The following GRM7 variants were observed in gnomAD, a reference collection of about 807,000 sequenced individuals.
The protein encoded by GRM7 is glutamate metabotropic receptor 7, also known as metabotropic glutamate receptor 7.
A neutral mutation model predicts 84.5 loss-of-function variants in GRM7; 35 were observed. The ratio of observed to expected loss-of-function variants is 0.41; its 90% CI spans 0.32 to 0.55. GRM7 has a LOEUF of 0.55. GRM7 is among the 20% of genes least tolerant of loss of function. GRM7 has a pLI of 0.19. For synonymous variants in GRM7, 487 were observed against 455.1 expected (o/e 1.07, Z -0.89); for missense variants, 1,003 against 1,194.6 (o/e 0.84, Z 2.36).
Position 6,861,622 on chromosome 3 carries a change from G to T in GRM7, c.234G>T (p.Arg78Ser), listed in dbSNP as rs758534483. 1.2e-6 allele frequency: 2 copies of T among 1,613,292 alleles called. No individual in the cohort carries two copies. The highest frequency in any genetic ancestry group is 1.7e-6 in the Non-Finnish European group (2 of 1,179,794). Residue 78 changes from arginine (R) to serine (S), a missense_variant, in exon 1 of 10, where the codon AGG becomes AGT. Coordinates refer to ENST00000357716, the MANE Select transcript of GRM7 (RefSeq NM_000844.4). This position sits in a 1 kb window ranked among gnomAD's most constrained non-coding sequence, Gnocchi z 6.4. Reference sequence around the variant, plus strand: ...TCAAGAGGGAAAACGGGATCCACAGGCTGGAAGCGATGCTCTACGCCCTGG... The same window carrying T: ...TCAAGAGGGAAAACGGGATCCACAGTCTGGAAGCGATGCTCTACGCCCTGG... ...GDIKRENGIH[R>S]LEAMLYALDQ...
At position 7,067,469 on chromosome 3, in the gene GRM7, G is replaced by A. The variant is rs547604628; in HGVS notation, c.520-78983G>A. Among the ~76,000 whole-genome samples, 3 of 152,124 alleles carry A rather than the reference G, an allele frequency of 2.0e-5. 1 individual carries two copies. Among genetic ancestry groups the A allele is most frequent in the Non-Finnish European group, 2.9e-5 (2 of 67,970 alleles). ...AATACTTAGGTGTATACCTAACAAA[G>A]GAGTTGAAAGACCTCTACAAGGAAA... On this transcript the variant is annotated intron_variant, in intron 1 of 9. Transcript: ENST00000357716.
intron 8 of GRM7, among the ~76,000 whole-genome samples, chr3:7,585,883 C>A (rs1410947390): frequency 2.6e-5 from 4 of 152,102 alleles, no homozygotes; most frequent in Non-Finnish European, 5.9e-5. Flanking sequence ...AGGGGACTGC[C>A]AAATTCTCGG....
intron 7 of GRM7, among the ~76,000 whole-genome samples, chr3:7,475,800 A>C (rs1431540535): frequency 2.6e-5 from 4 of 152,196 alleles, no homozygotes; most frequent in Non-Finnish European, 5.9e-5. Context: ...GGGCATTTCT[A>C]TCATGGAGTA....
chr3:7,567,435 A>G (rs1228368343), intron 7 of GRM7, among the ~76,000 whole-genome samples: 1 of 152,114 alleles, frequency 6.6e-6, no homozygotes, highest in African/African-American at 2.4e-5. Flanking sequence ...AGTGAGGAGA[A>G]GTTTCAGCAA....
At chr3:7,222,860 C>T (rs1352322834) in intron 2 of GRM7, among the ~76,000 whole-genome samples, 1 of 152,048 alleles carries the variant, frequency 6.6e-6, no homozygotes, top group East Asian at 1.9e-4. Context: ...TTTTTAGTGC[C>T]AGTCTTTTCA....
chr3:7,099,212 C>CATATAATAATACATGTATTATACATGT (rs1177670429), intron 1 of GRM7, among the ~76,000 whole-genome samples: 2 of 147,718 alleles, frequency 1.4e-5, no homozygotes, highest in Non-Finnish European at 3.0e-5. Context: ...TATTATATTG[C>CATATAATAATACATGTATTATACATGT]ATATAATAAT....
At position 7,396,722 on chromosome 3, in the gene GRM7, A is replaced by G. The variant is rs1461957251; in HGVS notation, c.1034-18301A>G. Among the ~76,000 whole-genome samples, 2 of 152,126 alleles carry G rather than the reference A, an allele frequency of 1.3e-5. 1 individual carries two copies. The highest frequency in any genetic ancestry group is 2.9e-5 in the Non-Finnish European group (2 of 68,010). ...AGTCTGGTGATCTGTTTCATGAGGAATGCATAAACCCTCTTTGTGCATGTT... is the reference window on the plus strand; with the variant it reads ...AGTCTGGTGATCTGTTTCATGAGGAGTGCATAAACCCTCTTTGTGCATGTT... On this transcript the variant is annotated intron_variant, in intron 4 of 9. Coordinates refer to ENST00000357716, the MANE Select transcript of GRM7 (RefSeq NM_000844.4).
At position 7,306,627 on chromosome 3, in the gene GRM7, T is replaced by C. The variant is rs1384903409; in HGVS notation, c.1008T>C (p.Ile336=). The C allele has an allele frequency of 1.2e-6, 2 of 1,610,044 alleles. No individual in the cohort carries two copies. Among genetic ancestry groups the C allele is most frequent in the Non-Finnish European group, 1.7e-6 (2 of 1,177,990 alleles). ...HEDIAEGAIT[I]QPKRATVEGF... is the part of the protein sequence containing the mutation. Reference sequence around the variant, plus strand: ...ATATCGCAGAAGGGGCCATCACCATTCAGCCCAAGCGAGCCACGGTGGAAG... The same window carrying C: ...ATATCGCAGAAGGGGCCATCACCATCCAGCCCAAGCGAGCCACGGTGGAAG... Residue 336 remains isoleucine, a synonymous_variant, in exon 4 of 10, where the codon ATT becomes ATC. Coordinates refer to ENST00000357716, the MANE Select transcript of GRM7 (RefSeq NM_000844.4).
At position 7,470,723 on chromosome 3, in the gene GRM7, A is replaced by G. The variant is rs1698666674; in HGVS notation, c.1515+9001A>G. On this transcript the variant is annotated intron_variant, in intron 7 of 9. Transcript: ENST00000357716. ...TTGGGCTCAGGCAAAATATATATGA[A>G]AAAAGAAATACAACAAGATAAATGA... is the stretch of plus-strand genomic sequence containing the variant. Among the ~76,000 whole-genome samples, 3 of 152,290 alleles carry G rather than the reference A, an allele frequency of 2.0e-5. 1 individual carries two copies. In the East Asian group the frequency reaches 5.8e-4, roughly 29 times the overall value.
chr3:7,622,425 G>C (rs1238864181), intron 8 of GRM7, among the ~76,000 whole-genome samples: 1 of 152,046 alleles, frequency 6.6e-6, no homozygotes, highest in African/African-American at 2.4e-5. Flanking sequence ...ATGTGGGAAG[G>C]CTACAATGAT....
At chr3:6,998,375 G>A (rs975938281) in intron 1 of GRM7, among the ~76,000 whole-genome samples, 5 of 152,168 alleles carry the variant, frequency 3.3e-5, no homozygotes, top group African/African-American at 4.8e-5. Context: ...GCTTGGCAGG[G>A]TACAGTCCCC....
chr3:6,889,701 G>A (rs1384890436), intron 1 of GRM7, among the ~76,000 whole-genome samples: 1 of 151,952 alleles, frequency 6.6e-6, no homozygotes, highest in Non-Finnish European at 1.5e-5. Flanking sequence ...CTCTTTTTTG[G>A]TTGTGTCTCT....
chr3:7,427,161 CA>C (rs1696644319), intron 5 of GRM7, among the ~76,000 whole-genome samples: 4 of 152,186 alleles, frequency 2.6e-5, no homozygotes, highest in Admixed American at 2.0e-4. Flanking sequence ...TTTGAATTGA[CA>C]AGTGTTCCCA....
At chr3:7,073,207 T>A (rs1453066402) in intron 1 of GRM7, among the ~76,000 whole-genome samples, 1 of 152,136 alleles carries the variant, frequency 6.6e-6, no homozygotes, top group Non-Finnish European at 1.5e-5. Context: ...TCCTTTCAGA[T>A]TGATATGGTG....
At chr3:7,441,431 T>A (rs780480027) in intron 5 of GRM7, among the ~76,000 whole-genome samples, 1 of 152,146 alleles carries the variant, frequency 6.6e-6, no homozygotes, top group Non-Finnish European at 1.5e-5. Flanking sequence ...TTTCTCCAAT[T>A]TTTTGGGTTG....
At chr3:6,865,877 A>C (rs340658) in intron 1 of GRM7, among the ~76,000 whole-genome samples, 103,908 of 151,988 alleles carry the variant, frequency 0.68, 35,787 homozygotes, top group South Asian at 0.74. Flanking sequence ...TTTATAATTT[A>C]ATAAGTATAG....
chr3:7,111,754 A>T (rs1204890984), intron 1 of GRM7, among the ~76,000 whole-genome samples: 1 of 152,208 alleles, frequency 6.6e-6, no homozygotes, highest in African/African-American at 2.4e-5. Flanking sequence ...CATGTATCAC[A>T]GCTTAGCTAC....
At chr3:7,423,249 A>G (rs1479347608) in intron 5 of GRM7, among the ~76,000 whole-genome samples, 1 of 152,222 alleles carries the variant, frequency 6.6e-6, no homozygotes, top group Admixed American at 6.6e-5. Context: ...CCAACTTGAA[A>G]TCCCGGGAGT....
chr3:7,315,886 T>C (rs1375631674), intron 4 of GRM7, among the ~76,000 whole-genome samples: 3 of 152,180 alleles, frequency 2.0e-5, no homozygotes, highest in African/African-American at 7.2e-5. Context: ...TGGAGCTGCC[T>C]ACTCTGCCAT....
Sources: allele counts gnomAD v4.1 joint callset (sites outside exome capture counted in the v4.1 genomes callset), GRCh38; gene constraint gnomAD v4.1.1; non-coding constraint Gnocchi (gnomAD v3.1); transcripts MANE v1.5; gene names NCBI Gene and HGNC (gene_info 2026-07-23, HGNC 2026-07-21).